Variants in PHLPP2 observed in about 807,000 individuals in gnomAD.
PHLPP2 encodes PH domain and leucine rich repeat protein phosphatase 2.
A neutral mutation model predicts 124.9 loss-of-function variants in PHLPP2; 66 were observed. The ratio of observed to expected loss-of-function variants is 0.53; its 90% CI spans 0.43 to 0.65. PHLPP2 has a LOEUF of 0.65. Among genes scored for constraint, PHLPP2 ranks in the 30% least tolerant of loss-of-function variants. The pLI is 0.00. For missense variants in PHLPP2, 1,685 were observed against 1,600.4 expected (o/e 1.05, Z -0.90); for synonymous variants, 681 against 624.7 (o/e 1.09, Z -1.34).
At position 71,678,792 on chromosome 16, in the gene PHLPP2, G is replaced by T; in HGVS notation, c.1231C>A (p.Leu411Met). The T allele has an allele frequency of 6.2e-7, 1 of 1,607,670 alleles. No homozygotes were observed. Among genetic ancestry groups the T allele is most frequent in the South Asian group, 1.1e-5 (1 of 90,928 alleles). Residue 411 changes from leucine to methionine, a missense_variant, in exon 8 of 19, where the codon CTG (leucine) becomes ATG (methionine). By Grantham distance (15) the Leu-to-Met change is conservative (BLOSUM62 2). Transcript: ENST00000568954. ...TGCTTGATATGGTTCATCCTATTCA[G>T]CACCCCTAAGTTCAGGACTTCCAGG... ...NCLEVLNLGV[L>M]NRMNHIKHVD...
chr16:71,677,451 CACATATATAT>C (rs2044956537), intron 8 of PHLPP2: 2 of 89,904 alleles, frequency 2.2e-5, no homozygotes, highest in South Asian at 8.7e-4. Flanking sequence ...AAATAATCTG[CACATATATAT>C]ATATATATAT....
intron 2 of PHLPP2, among the ~76,000 whole-genome samples, chr16:71,709,083 T>A (rs566580143): frequency 6.6e-6 from 1 of 152,192 alleles, no homozygotes; most frequent in South Asian, 2.1e-4. Flanking sequence ...ATAAAAAATG[T>A]TTCAAAATAA....
chr16:71,665,730 T>C (rs1167216971), intron 12 of PHLPP2, among the ~76,000 whole-genome samples: 1 of 152,230 alleles, frequency 6.6e-6, no homozygotes, highest in Non-Finnish European at 1.5e-5. Context: ...ATTCTAAGGT[T>C]GTAAACTAAT....
intron 15 of PHLPP2, among the ~76,000 whole-genome samples, chr16:71,657,474 A>C (rs558735978): frequency 1.3e-3 from 201 of 151,398 alleles, no homozygotes; most frequent in African/African-American, 4.3e-3. Context: ...TGCTCATTAC[A>C]AGCTCCGCCT....
Position 71,649,471 on chromosome 16 carries a change from G to T in PHLPP2, c.3391C>A (p.Arg1131Ser). ...GAGAAGGTAGCAGAAGAAGGCTGGC[G>T]CTGAAACAGCCCAGAGGTGGGTGTT... Reference protein sequence around the residue: ...HPTPTSGLFQRQPSSATFSSN... With the variant: ...HPTPTSGLFQSQPSSATFSSN... Residue 1131 changes from arginine (R) to serine (S), a missense_variant, in exon 19 of 19, where the codon CGC becomes AGC. Transcript: ENST00000568954. 2 of 1,614,062 alleles carry T rather than the reference G, an allele frequency of 1.2e-6. No individual in the cohort carries two copies. Among genetic ancestry groups the T allele is most frequent in the Non-Finnish European group, 1.7e-6 (2 of 1,179,988 alleles).
chr16:71,715,314 AGCC>A, intron 1 of PHLPP2: 1 of 154,242 alleles, frequency 6.5e-6, no homozygotes, highest in Non-Finnish European at 1.4e-5. Context: ...GGTTGCAGTG[AGCC>A]GTGATTGTGC....
At chr16:71,687,876 T>C (rs1254059205) in intron 4 of PHLPP2, among the ~76,000 whole-genome samples, 1 of 152,210 alleles carries the variant, frequency 6.6e-6, no homozygotes. Flanking sequence ...CCAGAGCCTT[T>C]CTGAAGGATT....
intron 13 of PHLPP2, 149 bp downstream of exon 13, chr16:71,663,750 T>G: frequency 4.5e-6 from 3 of 660,044 alleles, no homozygotes; most frequent in Non-Finnish European, 8.0e-6. Context: ...ACTATTAAGA[T>G]GAGATTTTGC....
At chr16:71,654,214 A>AC (rs1474515048) in intron 17 of PHLPP2, among the ~76,000 whole-genome samples, 1 of 149,138 alleles carries the variant, frequency 6.7e-6, no homozygotes, top group Non-Finnish European at 1.5e-5. Context: ...GAAAAAAAAA[A>AC]AAAAAAAAAA....
At chr16:71,718,588 A>AC (rs1291610066) in intron 1 of PHLPP2, among the ~76,000 whole-genome samples, 7 of 151,628 alleles carry the variant, frequency 4.6e-5, no homozygotes, top group African/African-American at 1.7e-4. Flanking sequence ...TCAAAAAAAA[A>AC]AAAAACAAAA....
chr16:71,690,383 G>C (rs1435759599), intron 4 of PHLPP2, 136 bp downstream of exon 4: 2 of 663,290 alleles, frequency 3.0e-6, no homozygotes, highest in Admixed American at 5.7e-5. Flanking sequence ...CTCTGAAACA[G>C]TCTCTGATAT....
chr16:71,683,163 T>C (rs1380130124), intron 5 of PHLPP2, among the ~76,000 whole-genome samples: 1 of 151,312 alleles, frequency 6.6e-6, no homozygotes, highest in East Asian at 1.9e-4. Flanking sequence ...AGTGAGACTC[T>C]GTCTCCAAAA....
At chr16:71,723,952 G>T in intron 1 of PHLPP2, 1 of 347,484 alleles carries the variant, frequency 2.9e-6, no homozygotes, top group Non-Finnish European at 4.1e-6. Context: ...CGGTGGCCCC[G>T]CCCCCCGCGG....
intron 8 of PHLPP2, 138 bp downstream of exon 8, chr16:71,678,617 G>T: frequency 1.6e-6 from 1 of 620,762 alleles, no homozygotes; most frequent in Non-Finnish European, 2.9e-6. Context: ...GCCAGCTTGG[G>T]TGACAAAGTG....
intron 13 of PHLPP2, among the ~76,000 whole-genome samples, chr16:71,663,095 CTATT>C (rs1192496019): frequency 6.6e-6 from 1 of 152,020 alleles, no homozygotes; most frequent in Non-Finnish European, 1.5e-5. Context: ...GCCTGCCTTT[CTATT>C]TATTTATTTT....
At chr16:71,670,403 AGAC>A in intron 10 of PHLPP2, among the ~76,000 whole-genome samples, 1 of 152,184 alleles carries the variant, frequency 6.6e-6, no homozygotes, top group Non-Finnish European at 1.5e-5. Flanking sequence ...AAAAAAAATC[AGAC>A]TGTATTAGCT....
chr16:71,672,131 C>G (rs911404407), intron 10 of PHLPP2, 131 bp downstream of exon 10: 2 of 677,684 alleles, frequency 3.0e-6, no homozygotes, highest in African/African-American at 3.6e-5. Flanking sequence ...TCCATTCATC[C>G]TTTCTCCTTT....
intron 15 of PHLPP2, 96 bp downstream of exon 15, chr16:71,658,136 CT>C (rs2145311612): frequency 9.5e-7 from 1 of 1,051,006 alleles, no homozygotes; most frequent in Non-Finnish European, 1.4e-6. Flanking sequence ...TCATTCTGTT[CT>C]TTTAATTAAT....
At chr16:71,669,523 T>C (rs1433341924) in intron 10 of PHLPP2, among the ~76,000 whole-genome samples, 153 bp from the exon 11 acceptor site, 6 of 152,204 alleles carry the variant, frequency 3.9e-5, no homozygotes, top group African/African-American at 7.2e-5. Flanking sequence ...TGGAATATAG[T>C]AGGTGCTCAT....
Sources: allele counts gnomAD v4.1 joint callset (sites outside exome capture counted in the v4.1 genomes callset), GRCh38; gene constraint gnomAD v4.1.1; transcripts MANE v1.5; gene names NCBI Gene and HGNC (gene_info 2026-07-23, HGNC 2026-07-21).